The following SMO variants were observed in gnomAD, a reference collection of about 807,000 sequenced individuals.
The protein encoded by SMO is smoothened, frizzled class receptor.
SMO carries 40 observed loss-of-function variants against 81.6 expected under a neutral mutation model. The ratio of observed to expected loss-of-function variants is 0.49; its 90% CI spans 0.38 to 0.64. The LOEUF (loss-of-function observed/expected upper bound fraction) is 0.64, where lower values mean the gene tolerates loss of function less well. Among genes scored for constraint, SMO ranks in the 30% least tolerant of loss-of-function variants. The pLI is 0.00. For missense variants in SMO, 916 were observed against 1,061.1 expected (o/e 0.86, Z 1.90); for synonymous variants, 434 against 432.1 (o/e 1.00, Z -0.05).
chr7:129,207,834 A>T (rs1793798279), intron 6 of SMO, among the ~76,000 whole-genome samples: 1 of 152,178 alleles, frequency 6.6e-6, no homozygotes, highest in Non-Finnish European at 1.5e-5. Flanking sequence ...TTGAGGCTGC[A>T]GTGAGCCATG....
chr7:129,207,876 G>A (rs778635529), intron 6 of SMO, among the ~76,000 whole-genome samples: 8 of 106,158 alleles, frequency 7.5e-5, no homozygotes, highest in Non-Finnish European at 1.3e-4. Flanking sequence ...CTGAGTGACA[G>A]AGTGAGACCC....
intron 2 of SMO, 40 bp from the exon 3 acceptor site, chr7:129,205,163 G>T (rs766921463): frequency 1.3e-6 from 2 of 1,576,876 alleles, no homozygotes; most frequent in Middle Eastern, 3.3e-4. Context: ...GCTCGTCCCT[G>T]AGCTGCCTTG....
At position 129,211,801 on chromosome 7, in the gene SMO, G is replaced by T. The variant is rs757923679; in HGVS notation, c.1936+31G>T. On this transcript the variant is annotated intron_variant, in intron 11 of 11. Coordinates refer to ENST00000249373, the MANE Select transcript of SMO (RefSeq NM_005631.5). The surrounding 1 kb of genome is among the most constrained non-coding windows in gnomAD (Gnocchi z 4.6). ...AGAGTTCAAGCTTCTGGAGGAAGGT[G>T]GGGGGAGCACAGAGGCTGGGGGCTT... 23 of 1,612,546 alleles carry T rather than the reference G, an allele frequency of 1.4e-5. No homozygotes were observed. The highest frequency in any genetic ancestry group is 2.7e-5 in the African/African-American group (2 of 74,888).
Position 129,189,268 on chromosome 7 carries a change from T to C in SMO, c.117T>C (p.Pro39=), listed in dbSNP as rs1793445228. 1 of 1,375,226 alleles carries C rather than the reference T, an allele frequency of 7.3e-7. No individual in the cohort carries two copies. Among genetic ancestry groups the C allele is most frequent in the Admixed American group, 3.6e-5 (1 of 27,576 alleles). The allele number at this position is 1,375,226 out of a possible 1,614,324, so 85.2% of individuals were successfully genotyped here. The change falls in exon 1 of 12, where the codon CCT becomes CCC. Residue 39 remains proline (P), a synonymous_variant. Transcript: ENST00000249373. This position sits in a 1 kb window ranked among gnomAD's most constrained non-coding sequence, Gnocchi z 4.7. The part of the protein sequence containing the change: ...GAASSGNATG[P]GPRSAGGSAR... Reference sequence around the variant, plus strand: ...CCTCGAGCGGGAACGCGACCGGGCCTGGGCCTCGGAGCGCGGGCGGGAGCG... The same window carrying C: ...CCTCGAGCGGGAACGCGACCGGGCCCGGGCCTCGGAGCGCGGGCGGGAGCG...
At chr7:129,204,954 A>C (rs1793738622) in intron 2 of SMO, among the ~76,000 whole-genome samples, 1 of 152,060 alleles carries the variant, frequency 6.6e-6, no homozygotes, top group Admixed American at 6.6e-5. Context: ...CAGTGAGCTG[A>C]GATCACGCCA....
intron 1 of SMO, among the ~76,000 whole-genome samples, chr7:129,193,787 T>A (rs9801442): frequency 0.13 from 3,212 of 24,556 alleles, 173 homozygotes; most frequent in East Asian, 0.14. Flanking sequence ...AAAAAAAAAA[T>A]ATATATATAT....
intron 1 of SMO, among the ~76,000 whole-genome samples, chr7:129,192,700 C>G (rs187259757): frequency 5.5e-4 from 83 of 152,220 alleles, no homozygotes; most frequent in Non-Finnish European, 1.1e-3. Context: ...CAGGAGGCCT[C>G]GGGTTTCAGG....
At chr7:129,205,481 G>C (rs1793749057) in intron 3 of SMO, 69 bp downstream of exon 3, 1 of 1,557,780 alleles carries the variant, frequency 6.4e-7, no homozygotes, top group Non-Finnish European at 8.8e-7. Context: ...AGAGGGAAGG[G>C]GGGCAAAGAG....
At position 129,205,190 on chromosome 7, in the gene SMO, T is replaced by A; in HGVS notation, c.538-13T>A. The A allele has an allele frequency of 6.2e-7, 1 of 1,613,108 alleles. No individual in the cohort carries two copies. Among genetic ancestry groups the A allele is most frequent in the South Asian group, 1.1e-5 (1 of 91,066 alleles). On this transcript the variant is annotated splice_polypyrimidine_tract_variant and intron_variant, in intron 2 of 11. Coordinates refer to ENST00000249373, the MANE Select transcript of SMO (RefSeq NM_005631.5). The stretch of plus-strand genomic sequence containing the variant: ...GCTGCCTTGACACCGTCTTTTCCCA[T>A]CCCTGGTGCCAGAATGAGGTGCAGA...
At position 129,211,932 on chromosome 7, in the gene SMO, C is replaced by T. The variant is rs1445154490; in HGVS notation, c.1937-92C>T. On this transcript the variant is annotated intron_variant, in intron 11 of 11. Coordinates refer to ENST00000249373, the MANE Select transcript of SMO (RefSeq NM_005631.5). The surrounding 1 kb of genome is among the most constrained non-coding windows in gnomAD (Gnocchi z 4.6). ...GCTCTAAGAGTCTAGAGACCTGGGC[C>T]CCAGAACTAACAGGTTAAGTGCTCC... 1.4e-6 allele frequency: 2 copies of T among 1,427,712 alleles called. No homozygotes were observed. The highest frequency in any genetic ancestry group is 1.9e-6 in the Non-Finnish European group (2 of 1,059,840). 88.4% of individuals were successfully genotyped at this position (1,427,712 alleles called of 1,614,324 possible).
Position 129,210,781 on chromosome 7 carries a change from A to G in SMO, c.1653-184A>G, listed in dbSNP as rs570113606. Among the ~76,000 whole-genome samples the G allele has an allele frequency of 1.1e-4, 16 of 152,364 alleles. No individual in the cohort carries two copies. In the South Asian group the frequency reaches 3.3e-3, roughly 32 times the overall value. On this transcript the variant is annotated intron_variant, in intron 9 of 11. Coordinates refer to ENST00000249373, the MANE Select transcript of SMO (RefSeq NM_005631.5). The surrounding 1 kb of genome is among the most constrained non-coding windows in gnomAD (Gnocchi z 4.7). ...GAGCGGAGTGATTGGAGGGCTGGGC[A>G]CACAGGAGCTCTGCATTCTGGCCCC...
In SMO at chr7:129,210,513, G is replaced by A. The variant is rs2150653974; in HGVS notation, c.1617G>A (p.Lys539=). 1.9e-6 allele frequency: 3 copies of A among 1,614,242 alleles called. No homozygotes were observed. The highest frequency in any genetic ancestry group is 2.5e-6 in the Non-Finnish European group (3 of 1,180,036). Residue 539 remains lysine (K), a synonymous_variant, in exon 9 of 12, where the codon AAG becomes AAA. Transcript: ENST00000249373. The surrounding 1 kb of genome is among the most constrained non-coding windows in gnomAD (Gnocchi z 4.7). ...GIAMSTWVWT[K]ATLLIWRRTW... ...CCATGAGCACCTGGGTCTGGACCAAGGCCACGCTGCTCATCTGGAGGCGTA... is the reference window on the plus strand; with the variant it reads ...CCATGAGCACCTGGGTCTGGACCAAAGCCACGCTGCTCATCTGGAGGCGTA...
rs1793742754 is a variant in SMO, at chr7:129,205,186, C to G, written c.538-17C>G. ...CTGAGCTGCCTTGACACCGTCTTTT[C>G]CCATCCCTGGTGCCAGAATGAGGTG... On this transcript the variant is annotated splice_polypyrimidine_tract_variant and intron_variant, in intron 2 of 11. Transcript: ENST00000249373. 1 of 1,611,992 alleles carries G rather than the reference C, an allele frequency of 6.2e-7. No individual in the cohort carries two copies. Among genetic ancestry groups the G allele is most frequent in the Non-Finnish European group, 8.5e-7 (1 of 1,178,092 alleles).
Position 129,212,243 on chromosome 7 carries a change from G to T in SMO, c.2156G>T (p.Trp719Leu). ...RQKCLVAAGA[W>L]GAGDSCRQGA... ...AAATGCCTGGTGGCTGCAGGTGCCT[G>T]GGGAGCTGGGGACTCTTGCCGACAG... Residue 719 changes from tryptophan (W) to leucine (L), a missense_variant, in exon 12 of 12, where the codon TGG (tryptophan) becomes TTG (leucine). By Grantham distance (61) the Trp-to-Leu change is moderately conservative (BLOSUM62 -2). Coordinates refer to ENST00000249373, the MANE Select transcript of SMO (RefSeq NM_005631.5). This position sits in a 1 kb window ranked among gnomAD's most constrained non-coding sequence, Gnocchi z 5.0. The T allele has an allele frequency of 6.3e-7, 1 of 1,599,128 alleles. No homozygotes were observed.
chr7:129,194,724 A>G (rs1793543223), intron 1 of SMO, among the ~76,000 whole-genome samples: 1 of 152,084 alleles, frequency 6.6e-6, no homozygotes, highest in South Asian at 2.1e-4. Context: ...CTTTTACTTT[A>G]TATCATTATG....
rs2150652953 is a variant in SMO, at chr7:129,209,380, C to G, written c.1449C>G (p.Ser483Arg). 6.2e-7 allele frequency: 1 copy of G among 1,611,884 alleles called. No individual in the cohort carries two copies. Among genetic ancestry groups the G allele is most frequent in the Non-Finnish European group, 8.5e-7 (1 of 1,177,938 alleles). ...DFFNQAEWER[S>R]FRDYVLCQAN... ...TCAACCAGGCTGAGTGGGAGCGCAGCTTCCGGGACTATGTGCTGTGAGTGA... is the reference window on the plus strand; with the variant it reads ...TCAACCAGGCTGAGTGGGAGCGCAGGTTCCGGGACTATGTGCTGTGAGTGA... The change falls in exon 8 of 12, where the codon AGC becomes AGG. Residue 483 changes from serine to arginine, a missense_variant. Ser to Arg is a moderately radical substitution (Grantham distance 110). Coordinates refer to ENST00000249373, the MANE Select transcript of SMO (RefSeq NM_005631.5).
At position 129,206,115 on chromosome 7, in the gene SMO, G is replaced by T; in HGVS notation, c.921-35G>T. On this transcript the variant is annotated intron_variant, in intron 4 of 11. Coordinates refer to ENST00000249373, the MANE Select transcript of SMO (RefSeq NM_005631.5). This position sits in a 1 kb window ranked among gnomAD's most constrained non-coding sequence, Gnocchi z 4.4. ...AGACCAGGTAGAGGGAGTACAGAGT[G>T]ACCGCCTCAAGTGACACCTCACCTC... 2.0e-6 allele frequency: 3 copies of T among 1,496,140 alleles called. No homozygotes were observed. The South Asian group carries it at 3.8e-5, about 19-fold the overall frequency. The allele number at this position is 1,496,140 out of a possible 1,614,324, so 92.7% of individuals were successfully genotyped here.
chr7:129,189,407 G>A lies in SMO; in HGVS notation c.256G>A (p.Gly86Arg), dbSNP rs2150638334. Reference sequence around the variant, plus strand: ...GTGCCTGGGCTCGGTGCTGCCCTACGGGGCCACCTCCACACTGCTGGCCGG... The same window carrying A: ...GTGCCTGGGCTCGGTGCTGCCCTACAGGGCCACCTCCACACTGCTGGCCGG... ...NVCLGSVLPY[G>R]ATSTLLAGDS... Residue 86 changes from glycine to arginine, a missense_variant, in exon 1 of 12, where the codon GGG (glycine) becomes AGG (arginine). This residue lies in a region of SMO where 146 missense variants were observed against 149.9 expected (regional missense o/e 0.97). Transcript: ENST00000249373. The surrounding 1 kb of genome is among the most constrained non-coding windows in gnomAD (Gnocchi z 4.7). The A allele has an allele frequency of 2.6e-6, 4 of 1,538,112 alleles. No homozygotes were observed. The highest frequency in any genetic ancestry group is 2.6e-6 in the Non-Finnish European group (3 of 1,146,692).
At chr7:129,196,057 T>A (rs368198581) in intron 1 of SMO, among the ~76,000 whole-genome samples, 1 of 143,716 alleles carries the variant, frequency 7.0e-6, no homozygotes, top group African/African-American at 2.6e-5. Context: ...GCCGAGATCG[T>A]GCCACTGCAC....
Sources: gnomAD v4.1 joint callset for allele counts (sites outside exome capture counted in the v4.1 genomes callset) on GRCh38, gnomAD v4.1.1 for gene constraint, gnomAD v4.1.1 regional missense constraint, Gnocchi (gnomAD v3.1) non-coding constraint, MANE v1.5 for transcripts, NCBI Gene and HGNC (gene_info 2026-07-23, HGNC 2026-07-21) for gene names.